Variants in FIGN observed in about 807,000 individuals in gnomAD.
The protein encoded by FIGN is fidgetin.
A neutral mutation model predicts 51.3 loss-of-function variants in FIGN; 11 were observed. That is an observed-to-expected ratio of 0.21 (90% CI 0.13 to 0.35). The LOEUF (loss-of-function observed/expected upper bound fraction) is 0.35, where lower values mean the gene tolerates loss of function less well. FIGN is among the 10% of genes least tolerant of loss of function. The probability of loss-of-function intolerance (pLI) is 1.00; values close to 1 mark genes in which losing one functional copy is unlikely to be tolerated. For synonymous variants in FIGN, 407 were observed against 363.2 expected, an observed-to-expected ratio of 1.12 and a Z score of -1.37; for missense variants, 857 against 943.6, an observed-to-expected ratio of 0.91 and a Z score of 1.20.
At chr2:163,631,474 G>T (rs1367099891) in intron 2 of FIGN, among the ~76,000 whole-genome samples, 1 of 151,956 alleles carries the variant, frequency 6.6e-6, no homozygotes, top group Admixed American at 6.6e-5. Context: ...GCTATTTCAG[G>T]TTAACGTACC....
intron 2 of FIGN, among the ~76,000 whole-genome samples, chr2:163,617,713 T>G (rs1264345294): frequency 6.6e-6 from 1 of 152,170 alleles, no homozygotes; most frequent in African/African-American, 2.4e-5. Context: ...CTGGCAGCAT[T>G]GCTTACATCA....
chr2:163,708,943 T>A (rs754734870), intron 2 of FIGN, among the ~76,000 whole-genome samples: 1 of 152,156 alleles, frequency 6.6e-6, no homozygotes, highest in Non-Finnish European at 1.5e-5. Flanking sequence ...CACAACGATA[T>A]AGAAAGTTTC....
At chr2:163,664,172 T>A (rs145320742) in intron 2 of FIGN, among the ~76,000 whole-genome samples, 22 of 152,210 alleles carry the variant, frequency 1.4e-4, no homozygotes, top group African/African-American at 5.3e-4. Flanking sequence ...AAGGAATGGA[T>A]CCCCAGGAGT....
rs867516473 is a variant in FIGN, at chr2:163,604,895, G to T, written c.*4657C>A. 1 of 142,030 alleles carries T rather than the reference G, an allele frequency of 7.0e-6. No homozygotes were observed. Among genetic ancestry groups the T allele is most frequent in the African/African-American group, 2.6e-5 (1 of 38,844 alleles). 8.8% of individuals were successfully genotyped at this position (142,030 alleles called of 1,614,324 possible). A position where few individuals can be genotyped will look rare whatever the true frequency, so the allele number is the denominator to read the frequency against. On this transcript the variant is annotated 3_prime_UTR_variant, in exon 3 of 3. Coordinates refer to ENST00000333129, the MANE Select transcript of FIGN (RefSeq NM_018086.4). Reference sequence around the variant, plus strand: ...GGGGAATGGGGGTAAAAGAGAGAGAGATATTAGAGGGAGAGTTTTAAGCCC... The same window carrying T: ...GGGGAATGGGGGTAAAAGAGAGAGATATATTAGAGGGAGAGTTTTAAGCCC...
At chr2:163,734,665 A>G (rs533439606) in intron 2 of FIGN, among the ~76,000 whole-genome samples, 1 of 151,844 alleles carries the variant, frequency 6.6e-6, no homozygotes, top group East Asian at 1.9e-4. Context: ...CAACTTCTGG[A>G]TGACAGCTAA....
At chr2:163,637,004 G>C (rs1330170247) in intron 2 of FIGN, among the ~76,000 whole-genome samples, 1 of 150,816 alleles carries the variant, frequency 6.6e-6, no homozygotes, top group Non-Finnish European at 1.5e-5. Context: ...GCTTGAACCT[G>C]GGAGGTAGAG....
In FIGN at chr2:163,657,126, A is replaced by C. The variant is rs528639000; in HGVS notation, c.26-45320T>G. 2.7e-4 allele frequency among the ~76,000 whole-genome samples: 41 copies of C among 152,188 alleles called. No homozygotes were observed. The South Asian group carries it at 7.7e-3, about 28-fold the overall frequency. On this transcript the variant is annotated intron_variant, in intron 2 of 2. Coordinates refer to ENST00000333129, the MANE Select transcript of FIGN (RefSeq NM_018086.4). The stretch of plus-strand genomic sequence containing the variant: ...ACTCTCCTCCAAGAGAAAAAAAAAA[A>C]AAAACAGAAATGGTTGCCAAGGTCT...
At chr2:163,714,950 G>A (rs1446211446) in intron 2 of FIGN, among the ~76,000 whole-genome samples, 1 of 152,134 alleles carries the variant, frequency 6.6e-6, no homozygotes, top group East Asian at 1.9e-4. Context: ...TATAGCCGAT[G>A]GGCCTAAAAT....
intron 2 of FIGN, among the ~76,000 whole-genome samples, chr2:163,618,111 C>T (rs1573906368): frequency 6.6e-6 from 1 of 152,118 alleles, no homozygotes; most frequent in African/African-American, 2.4e-5. Flanking sequence ...AGAGCATAAT[C>T]TCTTTAATCA....
chr2:163,635,781 T>C (rs1683214579), intron 2 of FIGN, among the ~76,000 whole-genome samples: 1 of 152,182 alleles, frequency 6.6e-6, no homozygotes, highest in Non-Finnish European at 1.5e-5. Context: ...GGTTGCACCA[T>C]GGTAACTTTG....
intron 2 of FIGN, among the ~76,000 whole-genome samples, chr2:163,683,074 G>C (rs1413128180): frequency 6.6e-6 from 1 of 152,032 alleles, no homozygotes; most frequent in Non-Finnish European, 1.5e-5. Context: ...CTGGCTAAAG[G>C]GAGACATATG....
intron 2 of FIGN, among the ~76,000 whole-genome samples, chr2:163,669,717 C>A (rs1378003992): frequency 6.6e-6 from 1 of 152,126 alleles, no homozygotes. Flanking sequence ...AAAGAGATGA[C>A]AAAGAGTTCA....
chr2:163,697,062 C>A (rs938330900), intron 2 of FIGN, among the ~76,000 whole-genome samples: 4 of 150,226 alleles, frequency 2.7e-5, no homozygotes, highest in African/African-American at 9.8e-5. Flanking sequence ...TGACACAGCA[C>A]TAAGCACATT....
intron 2 of FIGN, among the ~76,000 whole-genome samples, chr2:163,727,730 A>G (rs558475818): frequency 6.6e-6 from 1 of 152,306 alleles, no homozygotes; most frequent in Non-Finnish European, 1.5e-5. Context: ...GATGTGAGAA[A>G]TATCTTTTGA....
At chr2:163,663,207 G>C (rs1683718342) in intron 2 of FIGN, among the ~76,000 whole-genome samples, 1 of 151,206 alleles carries the variant, frequency 6.6e-6, no homozygotes, top group South Asian at 2.1e-4. Flanking sequence ...AGGCGTGATC[G>C]ACCGCACCTG....
At chr2:163,724,201 A>G (rs913583937) in intron 2 of FIGN, among the ~76,000 whole-genome samples, 1 of 152,170 alleles carries the variant, frequency 6.6e-6, no homozygotes, top group Admixed American at 6.5e-5. Flanking sequence ...TTCTGCTGAC[A>G]CTGTCCTTCA....
At chr2:163,711,034 C>A (rs554241094) in intron 2 of FIGN, among the ~76,000 whole-genome samples, 4 of 152,096 alleles carry the variant, frequency 2.6e-5, no homozygotes, top group Non-Finnish European at 5.9e-5. Context: ...CACATAGACA[C>A]ACAACATAAG....
In FIGN at chr2:163,734,831, T is replaced by C. The variant is rs1684990706; in HGVS notation, c.25+72A>G. On this transcript the variant is annotated intron_variant, in intron 2 of 2. Transcript: ENST00000333129. ...CAACTGCTTGCCAGGCAGTCTTCAA[T>C]GGTTTTATCATGCTATTTCATTTGT... 11 of 1,441,812 alleles carry C rather than the reference T, an allele frequency of 7.6e-6. No homozygotes were observed. In the Admixed American group the frequency reaches 1.7e-4, roughly 22 times the overall value. The allele number at this position is 1,441,812 out of a possible 1,614,324, so 89.3% of individuals were successfully genotyped here.
At chr2:163,696,428 T>TA (rs1393064802) in intron 2 of FIGN, among the ~76,000 whole-genome samples, 2 of 152,134 alleles carry the variant, frequency 1.3e-5, no homozygotes, top group Non-Finnish European at 2.9e-5. Context: ...CACAATCGTT[T>TA]ACTTATCACT....
Sources: gnomAD v4.1 joint callset for allele counts (sites outside exome capture counted in the v4.1 genomes callset) on GRCh38, gnomAD v4.1.1 for gene constraint, MANE v1.5 for transcripts, NCBI Gene and HGNC (gene_info 2026-07-23, HGNC 2026-07-21) for gene names.